Variants in DHX8 observed in about 807,000 individuals in gnomAD.
The protein encoded by DHX8 is ATP-dependent RNA helicase DHX8.
In DHX8, 67 loss-of-function variants were observed where a neutral mutation model predicts 140.7. The observed-to-expected ratio is 0.48, with a 90% confidence interval of 0.39 to 0.58. The LOEUF is 0.58. Ranked by LOEUF, DHX8 falls within the 20% of genes least tolerant of loss-of-function variation. DHX8 has a pLI of 0.00. For missense variants in DHX8, 887 were observed against 1,550.7 expected, an observed-to-expected ratio of 0.57 and a Z score of 7.19; for synonymous variants, 533 against 553.2, an observed-to-expected ratio of 0.96 and a Z score of 0.51.
At chr17:43,529,758 G>A (rs1474552466), downstream of DHX8, 14 of 1,589,890 alleles carry the variant, frequency 8.8e-6, no homozygotes, top group African/African-American at 9.4e-5. Context: ...GGGATTTCTC[G>A]AAGGGGTCTC....
intron 18 of DHX8, chr17:43,518,319 C>T (rs567370337): frequency 1.3e-5 from 2 of 152,340 alleles, no homozygotes; most frequent in South Asian, 2.1e-4. Context: ...TTTATATACA[C>T]TTGAATCGTG....
chr17:43,535,465 C>T (rs529584063), intron 2 of DHX8, among the ~76,000 whole-genome samples: 44 of 151,946 alleles, frequency 2.9e-4, no homozygotes, highest in Non-Finnish European at 4.9e-4. Context: ...TTAGTAAAGA[C>T]GGAATTTCAT....
chr17:43,533,007 T>C, intron 2 of DHX8: 1 of 1,521,778 alleles, frequency 6.6e-7, no homozygotes, highest in East Asian at 2.3e-5. Flanking sequence ...AGCCTGTTAC[T>C]CCTAGGCTTT....
chr17:43,532,822 G>A lies in DHX8; in HGVS notation c.351-3590G>A. ...GGTATTCTTGCTTAAAGCTCTGCTG[G>A]GGATAGGGTGGGCAGGGCTCCGACA... On this transcript the variant is annotated intron_variant, in intron 2 of 3. Coordinates refer to the DHX8 transcript ENST00000589898. 5 of 1,614,040 alleles carry A rather than the reference G, an allele frequency of 3.1e-6. No homozygotes were observed. The South Asian group carries it at 5.5e-5, about 18-fold the overall frequency.
downstream of DHX8, chr17:43,529,478 G>GGTTCTCCCACCTCCA: frequency 1.3e-6 from 2 of 1,590,046 alleles, no homozygotes; most frequent in African/African-American, 1.3e-5. Flanking sequence ...TTGGAAAGGA[G>GGTTCTCCCACCTCCA]GGCTGGGAAC....
intron 11 of DHX8, among the ~76,000 whole-genome samples, chr17:43,500,563 A>G (rs946728596): frequency 3.3e-5 from 5 of 152,136 alleles, no homozygotes; most frequent in African/African-American, 1.2e-4. Context: ...GTTTAAAACC[A>G]AAAATGTTTT....
Position 43,525,244 on chromosome 17 carries a change from A to T in DHX8, c.*1397A>T. The T allele has an allele frequency of 2.0e-6, 2 of 985,406 alleles. No homozygotes were observed. Among genetic ancestry groups the T allele is most frequent in the Non-Finnish European group, 2.4e-6 (2 of 829,934 alleles). The allele number at this position is 985,406 out of a possible 1,614,324, so 61.0% of individuals were successfully genotyped here. A position where few individuals can be genotyped will look rare whatever the true frequency, so the allele number is the denominator to read the frequency against. On this transcript the variant is annotated 3_prime_UTR_variant, in exon 23 of 23. Coordinates refer to ENST00000262415, the MANE Select transcript of DHX8 (RefSeq NM_004941.3). ...TTACGTTGCTGCTTCTCCTGTCCTTATGTTATTAGTAAGTTCTGAAGTGAT... is the reference window on the plus strand; with the variant it reads ...TTACGTTGCTGCTTCTCCTGTCCTTTTGTTATTAGTAAGTTCTGAAGTGAT...
Position 43,524,315 on chromosome 17 carries a change from AC to A in DHX8, c.*469del. 1.0e-6 allele frequency: 1 copy of A among 1,004,744 alleles called. No individual in the cohort carries two copies. Among genetic ancestry groups the A allele is most frequent in the Non-Finnish European group, 1.2e-6 (1 of 841,630 alleles). 62.2% of individuals were successfully genotyped at this position (1,004,744 alleles called of 1,614,324 possible). ...TGGAAATATTTATTTTCTTAAGGAAACAAAAATGGTTTTCTGTGACTGTTTT... is the reference window on the plus strand; with the variant it reads ...TGGAAATATTTATTTTCTTAAGGAAAAAAAATGGTTTTCTGTGACTGTTTT... On this transcript the variant is annotated 3_prime_UTR_variant, in exon 23 of 23. Transcript: ENST00000262415.
chr17:43,543,321 G>A (rs962123074), intron 3 of DHX8, among the ~76,000 whole-genome samples: 5 of 119,832 alleles, frequency 4.2e-5, no homozygotes, highest in Admixed American at 1.7e-4. Context: ...CTGTCACACC[G>A]ACACTGACAC....
At chr17:43,523,450 G>A (rs1970486575) in intron 22 of DHX8, among the ~76,000 whole-genome samples, 178 bp from the exon 23 acceptor site, 1 of 152,344 alleles carries the variant, frequency 6.6e-6, no homozygotes, top group African/African-American at 2.4e-5. Flanking sequence ...GGTTAGAGGT[G>A]TGCGGGTGCT....
At chr17:43,538,212 C>G (rs1293166852) in intron 3 of DHX8, among the ~76,000 whole-genome samples, 2 of 151,390 alleles carry the variant, frequency 1.3e-5, no homozygotes, top group African/African-American at 4.9e-5. Flanking sequence ...GAGGCTGAGA[C>G]AGGAGAATAA....
At chr17:43,510,029 T>C (rs1160441739) in intron 16 of DHX8, among the ~76,000 whole-genome samples, 1 of 149,570 alleles carries the variant, frequency 6.7e-6, no homozygotes, top group African/African-American at 2.5e-5. Context: ...TGGAATTTAC[T>C]GTTTTTTGTT....
At position 43,493,591 on chromosome 17, in the gene DHX8, T is replaced by C; in HGVS notation, c.1008+2T>C. 6.2e-7 allele frequency: 1 copy of C among 1,614,106 alleles called. No homozygotes were observed. The highest frequency in any genetic ancestry group is 8.5e-7 in the Non-Finnish European group (1 of 1,180,010). On this transcript the variant is annotated splice_donor_variant, in intron 7 of 22. Transcript: ENST00000262415. LOFTEE classifies it high-confidence loss of function. ...ACCAAGACCAGCCTGAGCATGAAGG[T>C]AGGTGAGATGGTCAGCCTGTTCTTA... is the stretch of plus-strand genomic sequence containing the variant.
chr17:43,521,219 T>G, intron 20 of DHX8, 150 bp from the exon 21 acceptor site: 1 of 695,650 alleles, frequency 1.4e-6, no homozygotes. Flanking sequence ...TGCCTCAGTT[T>G]CCCAAAATGC....
At chr17:43,533,247 A>C in intron 2 of DHX8, 3 of 1,613,940 alleles carry the variant, frequency 1.9e-6, no homozygotes, top group Non-Finnish European at 2.5e-6. Context: ...GGATCTCAGG[A>C]AATTCCGTTG....
rs1486498556 is a variant in DHX8 at position 43,532,854 on chromosome 17, G to A, written c.351-3558G>A. On this transcript the variant is annotated intron_variant, in intron 2 of 3. Coordinates refer to the DHX8 transcript ENST00000589898. ...GGTGGGCAGGGCTCCGACAGCTGGT[G>A]TTGGTAGGGGGCTGGGAGGGGTTCC... 27 of 1,613,362 alleles carry A rather than the reference G, an allele frequency of 1.7e-5. No individual in the cohort carries two copies. The East Asian group carries it at 5.8e-4, about 35-fold the overall frequency.
intron 1 of DHX8, among the ~76,000 whole-genome samples, chr17:43,486,208 A>AT (rs1456376274): frequency 6.6e-6 from 1 of 151,776 alleles, no homozygotes; most frequent in Non-Finnish European, 1.5e-5. Flanking sequence ...AAAAAAAAAA[A>AT]GTACTAATAT....
intron 15 of DHX8, 37 bp from the exon 16 acceptor site, chr17:43,508,302 A>G (rs1442998906): frequency 6.3e-7 from 1 of 1,588,442 alleles, no homozygotes; most frequent in Admixed American, 1.8e-5. Context: ...ACACATACAC[A>G]CACAGAAAGT....
At chr17:43,501,671 G>A (rs1190911120) in intron 11 of DHX8, among the ~76,000 whole-genome samples, 5 of 152,110 alleles carry the variant, frequency 3.3e-5, no homozygotes, top group Non-Finnish European at 7.3e-5. Context: ...TTTTAGTAGA[G>A]ACGAGGTTCC....
Sources: allele counts gnomAD v4.1 joint callset (sites outside exome capture counted in the v4.1 genomes callset), GRCh38; gene constraint gnomAD v4.1.1; transcripts MANE v1.5; gene names NCBI Gene and HGNC (gene_info 2026-07-23, HGNC 2026-07-21).